MCHR2: variants seen among roughly 807,000 people sequenced by gnomAD.
MCHR2 encodes melanin concentrating hormone receptor 2, also known as melanin-concentrating hormone receptor 2.
Under a neutral mutation model 24.8 loss-of-function variants are expected in MCHR2, and 15 were observed. The observed-to-expected ratio is 0.60, with a 90% CI of 0.40 to 0.93. The LOEUF is 0.93. Among genes scored for constraint, MCHR2 ranks in the 40% least tolerant of loss-of-function variants. MCHR2 has a pLI of 0.00. For missense variants in MCHR2, 386 were observed against 408.7 expected (o/e 0.94, Z 0.48); for synonymous variants, 151 against 147.6 (o/e 1.02, Z -0.17).
At chr6:99,940,534 A>C (rs1046367368) in intron 4 of MCHR2, among the ~76,000 whole-genome samples, 5 of 151,920 alleles carry the variant, frequency 3.3e-5, no homozygotes, top group African/African-American at 9.7e-5. Flanking sequence ...CACTATTTTG[A>C]ATTATTGGCC....
At chr6:99,937,293 G>A (rs1410662099) in intron 4 of MCHR2, among the ~76,000 whole-genome samples, 3 of 151,872 alleles carry the variant, frequency 2.0e-5, no homozygotes, top group Non-Finnish European at 4.4e-5. Flanking sequence ...GCAGATCTTA[G>A]AGAAAAGGCC....
intron 5 of MCHR2, among the ~76,000 whole-genome samples, chr6:99,921,993 A>T (rs1774243037): frequency 6.6e-6 from 1 of 151,862 alleles, no homozygotes. Flanking sequence ...TCCATTGTGT[A>T]CACATATCAC....
At chr6:99,989,333 G>C (rs2114600044) in intron 1 of MCHR2, among the ~76,000 whole-genome samples, 1 of 152,318 alleles carries the variant, frequency 6.6e-6, no homozygotes. Flanking sequence ...CCAATTTTAA[G>C]CAAGATTTAT....
At chr6:99,957,417 A>G (rs1031566798) in intron 1 of MCHR2, among the ~76,000 whole-genome samples, 1 of 152,126 alleles carries the variant, frequency 6.6e-6, no homozygotes, top group African/African-American at 2.4e-5. Context: ...CTTCATTTTC[A>G]TTTGGTTCCT....
chr6:99,955,456 G>C (rs1350077664), intron 2 of MCHR2, among the ~76,000 whole-genome samples: 1 of 152,232 alleles, frequency 6.6e-6, no homozygotes, highest in African/African-American at 2.4e-5. Flanking sequence ...ATGACTTCCT[G>C]CATCTTCTGG....
At chr6:99,971,948 C>T (rs1271903086) in intron 1 of MCHR2, among the ~76,000 whole-genome samples, 2 of 152,198 alleles carry the variant, frequency 1.3e-5, no homozygotes, top group Admixed American at 6.5e-5. Context: ...TGATGTGCTG[C>T]TGGATTCGGT....
Position 99,992,226 on chromosome 6 carries a change from A to T in MCHR2, c.-28+1710T>A, listed in dbSNP as rs540818572. On this transcript the variant is annotated intron_variant, in intron 1 of 5. Coordinates refer to ENST00000281806, the MANE Select transcript of MCHR2 (RefSeq NM_001040179.2). The stretch of plus-strand genomic sequence containing the variant: ...CCCTTGCAGGGATTTAGGACCTCTG[A>T]CTAGACAGTGTCCTGAGCCATAGTT... 2.5e-3 allele frequency among the ~76,000 whole-genome samples: 388 copies of T among 152,328 alleles called. 3 individuals carry two copies. The highest frequency in any genetic ancestry group is 4.8e-3 in the South Asian group (23 of 4,828).
intron 4 of MCHR2, among the ~76,000 whole-genome samples, chr6:99,940,426 A>T (rs953756261): frequency 5.3e-5 from 8 of 151,726 alleles, no homozygotes; most frequent in Non-Finnish European, 7.4e-5. Context: ...GATTTTTTTT[A>T]ATTTTTAAAA....
chr6:99,990,887 G>A (rs1412511655), intron 1 of MCHR2, among the ~76,000 whole-genome samples: 1 of 148,896 alleles, frequency 6.7e-6, no homozygotes, highest in African/African-American at 2.5e-5. Flanking sequence ...GGTATCAGCT[G>A]CTTGGAAGCT....
At chr6:99,970,277 T>C (rs1013940425) in intron 1 of MCHR2, among the ~76,000 whole-genome samples, 7 of 152,168 alleles carry the variant, frequency 4.6e-5, no homozygotes, top group Non-Finnish European at 7.3e-5. Flanking sequence ...TGGTATCTCA[T>C]TGTGGTTTTG....
At chr6:99,930,958 C>T (rs1230012400) in intron 5 of MCHR2, among the ~76,000 whole-genome samples, 3 of 152,120 alleles carry the variant, frequency 2.0e-5, no homozygotes, top group Non-Finnish European at 2.9e-5. Flanking sequence ...GTTTTTTCCC[C>T]ATCTTTGTGG....
At chr6:99,961,874 G>A (rs1379537403) in intron 1 of MCHR2, among the ~76,000 whole-genome samples, 1 of 151,952 alleles carries the variant, frequency 6.6e-6, no homozygotes, top group Non-Finnish European at 1.5e-5. Flanking sequence ...AAAAGAATAT[G>A]AAAATCATGT....
chr6:99,977,895 T>C (rs1013227806), intron 1 of MCHR2, among the ~76,000 whole-genome samples: 1 of 152,246 alleles, frequency 6.6e-6, no homozygotes, highest in Non-Finnish European at 1.5e-5. Context: ...TAATTTATGA[T>C]GTTAATATTC....
intron 1 of MCHR2, among the ~76,000 whole-genome samples, chr6:99,972,549 G>A (rs1472130873): frequency 6.6e-6 from 1 of 151,946 alleles, no homozygotes; most frequent in East Asian, 1.9e-4. Flanking sequence ...GGTTTTTTGG[G>A]TCTCTATTTC....
chr6:99,937,295 G>T (rs1582377810), intron 4 of MCHR2, among the ~76,000 whole-genome samples: 1 of 152,044 alleles, frequency 6.6e-6, no homozygotes, highest in Non-Finnish European at 1.5e-5. Flanking sequence ...AGATCTTAGA[G>T]AAAAGGCCTT....
chr6:99,950,687 A>T (rs902839085), intron 2 of MCHR2, among the ~76,000 whole-genome samples: 1 of 152,154 alleles, frequency 6.6e-6, no homozygotes, highest in African/African-American at 2.4e-5. Flanking sequence ...AACATTTGTT[A>T]AAAAATTTGC....
At chr6:99,957,968 T>C (rs1193075027) in intron 1 of MCHR2, among the ~76,000 whole-genome samples, 3 of 152,078 alleles carry the variant, frequency 2.0e-5, no homozygotes, top group Non-Finnish European at 4.4e-5. Context: ...AGTTTTATTC[T>C]GTGAAAGATG....
intron 5 of MCHR2, among the ~76,000 whole-genome samples, chr6:99,921,696 T>A (rs1774236342): frequency 6.6e-6 from 1 of 152,212 alleles, no homozygotes; most frequent in Non-Finnish European, 1.5e-5. Context: ...TGTTGTGCTA[T>A]CAAATGCTAG....
At chr6:99,941,867 G>A (rs1460367017) in intron 4 of MCHR2, among the ~76,000 whole-genome samples, 2 of 151,880 alleles carry the variant, frequency 1.3e-5, no homozygotes, top group Non-Finnish European at 2.9e-5. Context: ...AACTGGATTA[G>A]CGGATTTGCA....
Sources: gnomAD v4.1 joint callset for allele counts (sites outside exome capture counted in the v4.1 genomes callset) on GRCh38, gnomAD v4.1.1 for gene constraint, MANE v1.5 for transcripts, NCBI Gene and HGNC (gene_info 2026-07-23, HGNC 2026-07-21) for gene names.